Variants in LAMA3 observed in about 807,000 individuals in gnomAD.
LAMA3 encodes laminin subunit alpha-3.
LAMA3 carries 281 observed loss-of-function variants against 402.0 expected under a neutral mutation model. The ratio of observed to expected loss-of-function variants is 0.70; its 90% CI spans 0.63 to 0.77. The LOEUF (loss-of-function observed/expected upper bound fraction) is 0.77. Ranked by LOEUF, LAMA3 falls within the 30% of genes least tolerant of loss-of-function variation. The pLI, the probability that LAMA3 is intolerant of heterozygous loss-of-function variation, is 0.00. For missense variants in LAMA3, 3,840 were observed against 4,215.5 expected (o/e 0.91, Z 2.47); for synonymous variants, 1,431 against 1,558.4 (o/e 0.92, Z 1.93).
At chr18:23,697,390 G>C (rs1711456) in intron 1 of LAMA3, among the ~76,000 whole-genome samples, 88,387 of 151,988 alleles carry the variant, frequency 0.58, 26,347 homozygotes, top group Middle Eastern at 0.67. Flanking sequence ...GACGCAGGCT[G>C]TACTGGCTCA....
rs1020120517 is a variant in LAMA3 at position 23,824,425 on chromosome 18, G to A, written c.2431G>A (p.Ala811Thr). 9.9e-6 allele frequency: 16 copies of A among 1,613,932 alleles called. No individual in the cohort carries two copies. In the African/African-American group the frequency reaches 2.0e-4, roughly 20 times the overall value. The change falls in exon 21 of 75, where the codon GCT (alanine) becomes ACT (threonine). Residue 811 changes from alanine (A) to threonine (T), a missense_variant and splice_region_variant. By Grantham distance (58) the Ala-to-Thr change is moderately conservative. Around this residue, in one of 3 missense-constraint regions of LAMA3, gnomAD observed 2,109 missense variants for 2,376.0 expected, o/e 0.89. Coordinates refer to ENST00000313654, the MANE Select transcript of LAMA3 (RefSeq NM_198129.4). ...GCAGTTCTTTGTATTTCTGATAGGT[G>A]CTGCTCAAAGCAAAGAGATCATCTT... ...GHITIYPSWGAAQSKEIIFLP... is the reference protein window; with the variant it reads ...GHITIYPSWGTAQSKEIIFLP...
intron 14 of LAMA3, among the ~76,000 whole-genome samples, chr18:23,813,496 C>G (rs2063114048): frequency 1.3e-5 from 2 of 150,864 alleles, no homozygotes; most frequent in African/African-American, 4.9e-5. Flanking sequence ...TTATATTATT[C>G]CAAGCACAAT....
intron 13 of LAMA3, among the ~76,000 whole-genome samples, chr18:23,812,005 C>G (rs982581655): frequency 2.6e-5 from 4 of 152,000 alleles, no homozygotes; most frequent in African/African-American, 9.7e-5. Context: ...TCTCGAGTAG[C>G]TGGGATTACA....
At chr18:23,899,171 T>C (rs1016925433) in intron 46 of LAMA3, 106 bp downstream of exon 46, 4 of 1,268,434 alleles carry the variant, frequency 3.2e-6, no homozygotes, top group African/African-American at 3.0e-5. Context: ...AAGAATCCCA[T>C]AGTGATACTA....
intron 2 of LAMA3, among the ~76,000 whole-genome samples, chr18:23,725,976 C>T (rs1183788931): frequency 6.6e-6 from 1 of 152,180 alleles, no homozygotes; most frequent in Non-Finnish European, 1.5e-5. Context: ...GTATGTTTAC[C>T]TTTATCACTC....
intron 52 of LAMA3, among the ~76,000 whole-genome samples, chr18:23,906,911 G>C (rs2081267333): frequency 6.6e-6 from 1 of 152,128 alleles, no homozygotes; most frequent in Non-Finnish European, 1.5e-5. Context: ...AGCATTTGCT[G>C]GTCATTTTTG....
rs139328523 is a variant in LAMA3 at position 23,861,821 on chromosome 18, G to A, written c.4584+14G>A. 2.4e-3 allele frequency: 3,794 copies of A among 1,608,192 alleles called. 17 individuals carry two copies. Among genetic ancestry groups the A allele is most frequent in the Non-Finnish European group, 1.9e-3 (2,199 of 1,176,852 alleles). The stretch of plus-strand genomic sequence containing the variant: ...CTGGGGGACAAGGTAATGATGTCCT[G>A]CTGTTCTTCTGGGCCCTCAGTGGGC... On this transcript the variant is annotated intron_variant, in intron 35 of 74. Coordinates refer to ENST00000313654, the MANE Select transcript of LAMA3 (RefSeq NM_198129.4).
chr18:23,766,807 C>T (rs1189113254), intron 8 of LAMA3, among the ~76,000 whole-genome samples: 1 of 151,842 alleles, frequency 6.6e-6, no homozygotes. Context: ...CCTCTACACT[C>T]CAGCTTGGGT....
intron 32 of LAMA3, among the ~76,000 whole-genome samples, chr18:23,848,225 G>A (rs1488072143): frequency 6.6e-6 from 1 of 152,210 alleles, no homozygotes; most frequent in Non-Finnish European, 1.5e-5. Context: ...CAGGAGACAG[G>A]CTGGAGAGCC....
intron 17 of LAMA3, 112 bp downstream of exon 17, chr18:23,815,685 C>A (rs1030304080): frequency 2.2e-5 from 17 of 786,990 alleles, no homozygotes; most frequent in Admixed American, 1.8e-4. Flanking sequence ...GATGGAATGG[C>A]CCTGAAACAT....
In LAMA3 at chr18:23,867,937, A is replaced by G. The variant is rs368004623; in HGVS notation, c.4767+20A>G. On this transcript the variant is annotated intron_variant, in intron 37 of 74. Coordinates refer to ENST00000313654, the MANE Select transcript of LAMA3 (RefSeq NM_198129.4). ...GTCGAGGTAAAGGAAGAGCAACCAT[A>G]GGATGGTCCTTTCTGTTTTGTGACT... 1 of 1,590,476 alleles carries G rather than the reference A, an allele frequency of 6.3e-7. No individual in the cohort carries two copies. Among genetic ancestry groups the G allele is most frequent in the African/African-American group, 1.3e-5 (1 of 74,408 alleles).
intron 51 of LAMA3, 73 bp downstream of exon 51, chr18:23,904,767 G>A: frequency 6.8e-7 from 1 of 1,466,316 alleles, no homozygotes; most frequent in Non-Finnish European, 9.5e-7. Flanking sequence ...CTTTCCGTGG[G>A]CTCCAAGGAA....
At chr18:23,731,726 A>G (rs1252209915) in intron 2 of LAMA3, among the ~76,000 whole-genome samples, 2 of 151,990 alleles carry the variant, frequency 1.3e-5, no homozygotes, top group Non-Finnish European at 2.9e-5. Context: ...TAAAAGGCTC[A>G]TGTCTTTAAA....
In LAMA3 at chr18:23,793,702, T is replaced by C. The variant is rs530351499; in HGVS notation, c.1603+9545T>C. 5.3e-5 allele frequency among the ~76,000 whole-genome samples: 8 copies of C among 152,134 alleles called. No individual in the cohort carries two copies. The East Asian group carries it at 1.5e-3, about 29-fold the overall frequency. Reference sequence around the variant, plus strand: ...AGAAGAAAACGTCTGTGACCAAATGTGTGGGGGTCTCTTCCCATCACCAAG... The same window carrying C: ...AGAAGAAAACGTCTGTGACCAAATGCGTGGGGGTCTCTTCCCATCACCAAG... On this transcript the variant is annotated intron_variant, in intron 12 of 74. Coordinates refer to ENST00000313654, the MANE Select transcript of LAMA3 (RefSeq NM_198129.4).
In LAMA3 at chr18:23,716,093, C is replaced by T. The variant is rs559022416; in HGVS notation, c.447+2021C>T. On this transcript the variant is annotated intron_variant, in intron 2 of 74. Coordinates refer to ENST00000313654, the MANE Select transcript of LAMA3 (RefSeq NM_198129.4). ...TCAACTATAAGTTAGTCTTATCCCT[C>T]TGATACCTAACCACTAGCATTCATT... 4.6e-5 allele frequency among the ~76,000 whole-genome samples: 7 copies of T among 152,320 alleles called. No homozygotes were observed. The East Asian group carries it at 1.2e-3, about 25-fold the overall frequency.
At chr18:23,750,532 G>C (rs1178644601) in intron 4 of LAMA3, among the ~76,000 whole-genome samples, 1 of 114,836 alleles carries the variant, frequency 8.7e-6, no homozygotes, top group African/African-American at 3.3e-5. Flanking sequence ...AGATTTTTGG[G>C]TTACTTTAGC....
At chr18:23,762,727 G>A (rs550566865) in intron 7 of LAMA3, among the ~76,000 whole-genome samples, 2 of 151,778 alleles carry the variant, frequency 1.3e-5, no homozygotes, top group Non-Finnish European at 1.5e-5. Context: ...GAGTGGGGGC[G>A]GTGGCAGGGA....
chr18:23,854,779 C>A (rs1160241389), intron 32 of LAMA3, among the ~76,000 whole-genome samples: 1 of 151,562 alleles, frequency 6.6e-6, no homozygotes, highest in African/African-American at 2.4e-5. Context: ...GTCTGGAGAT[C>A]GAGACCATCC....
Position 23,863,887 on chromosome 18 carries a change from C to T in LAMA3, c.4585-898C>T, listed in dbSNP as rs557840807. 4.6e-5 allele frequency among the ~76,000 whole-genome samples: 7 copies of T among 152,318 alleles called. No individual in the cohort carries two copies. In the East Asian group the frequency reaches 1.2e-3, roughly 25 times the overall value. On this transcript the variant is annotated intron_variant, in intron 35 of 74. Transcript: ENST00000313654. The stretch of plus-strand genomic sequence containing the variant: ...GCTGTCAGAAAACTGACCATTCACT[C>T]CATGTCCTCACCACCATCATGCTGC...
Sources: allele counts gnomAD v4.1 joint callset (sites outside exome capture counted in the v4.1 genomes callset), GRCh38; gene constraint gnomAD v4.1.1; regional missense constraint gnomAD v4.1.1; transcripts MANE v1.5; gene names NCBI Gene and HGNC (gene_info 2026-07-23, HGNC 2026-07-21).